Variants in CHST8 observed in about 807,000 individuals in gnomAD.
CHST8 encodes GALNAC-4-ST1.
In CHST8, 10 loss-of-function variants were observed where a neutral mutation model predicts 15.0. That is an observed-to-expected ratio of 0.67 (90% CI 0.41 to 1.13). The LOEUF is 1.13. Among genes scored for constraint, CHST8 ranks in the 50% most tolerant of loss-of-function variants. The pLI, the probability that CHST8 is intolerant of heterozygous loss-of-function variation, is 0.00. For synonymous variants in CHST8, 259 were observed against 256.6 expected (o/e 1.01, Z -0.09); for missense variants, 634 against 608.2 (o/e 1.04, Z -0.45).
At chr19:33,696,652 A>G (rs1973222446) in intron 3 of CHST8, among the ~76,000 whole-genome samples, 2 of 151,718 alleles carry the variant, frequency 1.3e-5, no homozygotes, top group African/African-American at 4.8e-5. Context: ...CCCCACCCCC[A>G]TCTCCCTTCC....
chr19:33,697,756 G>A (rs558811606), intron 3 of CHST8, among the ~76,000 whole-genome samples: 40 of 152,282 alleles, frequency 2.6e-4, no homozygotes, highest in Non-Finnish European at 4.7e-4. Flanking sequence ...AGCAGAGCCT[G>A]GGCAGAGAGA....
chr19:33,744,920 T>A (rs1974283558), intron 3 of CHST8, among the ~76,000 whole-genome samples: 1 of 152,122 alleles, frequency 6.6e-6, no homozygotes, highest in African/African-American at 2.4e-5. Context: ...GGCTAATTTT[T>A]GTATTTTTAG....
intron 3 of CHST8, among the ~76,000 whole-genome samples, chr19:33,730,927 A>C (rs1236553585): frequency 6.6e-6 from 1 of 152,218 alleles, no homozygotes; most frequent in Non-Finnish European, 1.5e-5. Context: ...CCGATGTTCG[A>C]GGGCAGGAAG....
At chr19:33,629,257 G>A (rs771739086) in intron 1 of CHST8, among the ~76,000 whole-genome samples, 2 of 152,204 alleles carry the variant, frequency 1.3e-5, no homozygotes, top group Non-Finnish European at 2.9e-5. Flanking sequence ...GTCTCCATGT[G>A]TGTTTCATCC....
intron 2 of CHST8, among the ~76,000 whole-genome samples, chr19:33,685,470 G>A (rs1391773801): frequency 6.6e-6 from 1 of 151,926 alleles, no homozygotes; most frequent in Non-Finnish European, 1.5e-5. Flanking sequence ...GAAACTCGCT[G>A]GGGCTGTTTA....
At chr19:33,752,185 A>T (rs1032930202) in intron 3 of CHST8, among the ~76,000 whole-genome samples, 2 of 152,188 alleles carry the variant, frequency 1.3e-5, no homozygotes, top group African/African-American at 4.8e-5. Context: ...GGGGCTGCCC[A>T]TGCCAACCGC....
chr19:33,769,797 A>AT (rs1229126238), intron 3 of CHST8, among the ~76,000 whole-genome samples: 2 of 151,990 alleles, frequency 1.3e-5, no homozygotes, highest in African/African-American at 4.8e-5. Flanking sequence ...TGTTTCAAAG[A>AT]TCCCCCACAT....
At chr19:33,767,996 G>A (rs2145391623) in intron 3 of CHST8, among the ~76,000 whole-genome samples, 1 of 152,272 alleles carries the variant, frequency 6.6e-6, no homozygotes, top group South Asian at 2.1e-4. Context: ...ACCCCTGGTG[G>A]CAAACCTTCC....
chr19:33,753,254 T>G (rs1974455273), intron 3 of CHST8, among the ~76,000 whole-genome samples: 1 of 151,846 alleles, frequency 6.6e-6, no homozygotes, highest in Non-Finnish European at 1.5e-5. Context: ...TCTGCTCCTG[T>G]CTCCCTCCAG....
chr19:33,750,134 C>T (rs577260267), intron 3 of CHST8, among the ~76,000 whole-genome samples: 1 of 152,252 alleles, frequency 6.6e-6, no homozygotes, highest in African/African-American at 2.4e-5. Context: ...GGTCTGGAAC[C>T]CAAGAGAGGA....
chr19:33,632,854 C>T (rs894740284), intron 1 of CHST8, among the ~76,000 whole-genome samples: 1 of 152,006 alleles, frequency 6.6e-6, no homozygotes, highest in Non-Finnish European at 1.5e-5. Flanking sequence ...CTGCAACCTC[C>T]GCCTCCTGGG....
At chr19:33,682,428 T>C (rs539189913) in intron 2 of CHST8, among the ~76,000 whole-genome samples, 13 of 152,250 alleles carry the variant, frequency 8.5e-5, no homozygotes, top group African/African-American at 2.9e-4. Context: ...ACCCAGTTCA[T>C]AATCATTTTT....
rs763278233 is a variant in CHST8 at position 33,689,271 on chromosome 19, C to T, written c.10C>T (p.Arg4Ter). The T allele has an allele frequency of 2.9e-5, 46 of 1,592,486 alleles. 1 individual carries two copies. The highest frequency in any genetic ancestry group is 1.0e-4 in the South Asian group (9 of 87,542). Residue 4 changes from arginine to a stop codon, truncating the protein, a stop_gained, in exon 3 of 5, where the codon CGA becomes TGA. Coordinates refer to ENST00000650847, the MANE Select transcript of CHST8 (RefSeq NM_001127895.2). LOFTEE classifies it high-confidence loss of function. MTL[R>*]PGTMRLACMF... ...CCTGAGCCAGCCCCGGATGACCCTG[C>T]GACCTGGAACAATGCGGCTGGCCTG...
chr19:33,706,839 A>T (rs2145287394), intron 3 of CHST8, among the ~76,000 whole-genome samples: 1 of 152,296 alleles, frequency 6.6e-6, no homozygotes, highest in African/African-American at 2.4e-5. Flanking sequence ...AGCTTGCAAA[A>T]TGTGTGCAGG....
At chr19:33,744,113 G>A (rs284687) in intron 3 of CHST8, among the ~76,000 whole-genome samples, 1 of 152,016 alleles carries the variant, frequency 6.6e-6, no homozygotes, top group Non-Finnish European at 1.5e-5. Context: ...TGTCTACCCC[G>A]CACACCCTGC....
chr19:33,745,721 G>A (rs1974302089), intron 3 of CHST8, among the ~76,000 whole-genome samples: 2 of 152,230 alleles, frequency 1.3e-5, no homozygotes, highest in South Asian at 4.1e-4. Flanking sequence ...TATTCCCACA[G>A]AATTGACCTG....
intron 2 of CHST8, among the ~76,000 whole-genome samples, chr19:33,687,306 G>GGA (rs1247110548): frequency 1.3e-5 from 2 of 152,246 alleles, no homozygotes; most frequent in African/African-American, 4.8e-5. Context: ...GGGCAGCCAT[G>GGA]GAGAGAGAGG....
intron 1 of CHST8, among the ~76,000 whole-genome samples, chr19:33,650,518 CTTTTTTTTTTTTTTTTTTTTT>C (rs869057036): frequency 8.3e-5 from 3 of 36,070 alleles, no homozygotes; most frequent in African/African-American, 2.6e-4. Flanking sequence ...TTTTTCTTTT[CTTTTTTTTTTTTTTTTTTTTT>C]TTTTTTTTGA....
rs144181242 is a variant in CHST8, at chr19:33,717,447, C to T, written c.130+28056C>T. Among the ~76,000 whole-genome samples the T allele has an allele frequency of 6.3e-3, 952 of 151,860 alleles. 4 individuals carry two copies. The highest frequency in any genetic ancestry group is 0.011 in the Non-Finnish European group (730 of 67,960). On this transcript the variant is annotated intron_variant, in intron 3 of 4. Transcript: ENST00000650847. ...CTGCACTCCAGCCTGGGCAACAGAG[C>T]GAGACTCCATCTCAAAAAAGAAAAA...
Sources: allele counts gnomAD v4.1 joint callset (sites outside exome capture counted in the v4.1 genomes callset), GRCh38; gene constraint gnomAD v4.1.1; transcripts MANE v1.5; gene names NCBI Gene and HGNC (gene_info 2026-07-23, HGNC 2026-07-21).